The following NCOA7 variants were observed in gnomAD, a reference collection of about 807,000 sequenced individuals.
NCOA7 encodes 140 kDa estrogen receptor-associated protein.
Under a neutral mutation model 104.3 loss-of-function variants are expected in NCOA7, and 45 were observed. The observed-to-expected ratio is 0.43, with a 90% CI of 0.34 to 0.55. The LOEUF (loss-of-function observed/expected upper bound fraction) is 0.55, where lower values mean the gene tolerates loss of function less well. Ranked by LOEUF, NCOA7 falls within the 20% of genes least tolerant of loss-of-function variation. NCOA7 has a pLI of 0.02. For missense variants in NCOA7, 1,041 were observed against 1,119.7 expected (o/e 0.93, Z 1.00); for synonymous variants, 398 against 402.3 (o/e 0.99, Z 0.13).
intron 3 of NCOA7, among the ~76,000 whole-genome samples, chr6:125,866,104 C>T (rs1255956602): frequency 7.3e-6 from 1 of 136,772 alleles, no homozygotes; most frequent in Non-Finnish European, 1.6e-5. Context: ...CTGAGGCGGG[C>T]GGATCACCTG....
intron 11 of NCOA7, among the ~76,000 whole-genome samples, chr6:125,916,349 A>G (rs1787085177): frequency 6.6e-6 from 1 of 152,192 alleles, no homozygotes; most frequent in Admixed American, 6.5e-5. Flanking sequence ...AGTTTCAGGT[A>G]GCATCTTTAT....
intron 10 of NCOA7, among the ~76,000 whole-genome samples, 197 bp from the exon 11 acceptor site, chr6:125,915,136 C>A (rs1007357820): frequency 6.6e-6 from 1 of 152,146 alleles, no homozygotes; most frequent in Non-Finnish European, 1.5e-5. Context: ...TTTCGCAGTG[C>A]CTGTGGACTT....
chr6:125,870,108 T>C (rs1260114399), intron 3 of NCOA7, among the ~76,000 whole-genome samples: 2 of 152,228 alleles, frequency 1.3e-5, no homozygotes, highest in Non-Finnish European at 2.9e-5. Flanking sequence ...ACTTCTTATG[T>C]GGCCTGTTAC....
chr6:125,888,895 T>C, intron 8 of NCOA7, 44 bp from the exon 9 acceptor site: 4 of 1,433,486 alleles, frequency 2.8e-6, no homozygotes, highest in Non-Finnish European at 3.7e-6. Context: ...TTTTTGGTTT[T>C]ATTTTTAACA....
chr6:125,848,484 G>C (rs1254280568), intron 2 of NCOA7, among the ~76,000 whole-genome samples: 1 of 152,154 alleles, frequency 6.6e-6, no homozygotes, highest in Non-Finnish European at 1.5e-5. Flanking sequence ...AAAAGGATGA[G>C]TTCATATCCT....
chr6:125,820,610 A>T (rs1250784751), intron 2 of NCOA7, among the ~76,000 whole-genome samples: 2 of 152,202 alleles, frequency 1.3e-5, no homozygotes, highest in African/African-American at 4.8e-5. Flanking sequence ...GGCTATGAAG[A>T]TTGAGGGTAA....
chr6:125,811,848 C>T (rs745835553), intron 1 of NCOA7, among the ~76,000 whole-genome samples: 15 of 152,134 alleles, frequency 9.9e-5, no homozygotes, highest in Non-Finnish European at 1.8e-4. Flanking sequence ...GGTACATGTG[C>T]CTTAACTTGC....
chr6:125,916,194 C>T (rs886562852), intron 11 of NCOA7, among the ~76,000 whole-genome samples: 1 of 152,160 alleles, frequency 6.6e-6, no homozygotes, highest in Non-Finnish European at 1.5e-5. Flanking sequence ...TGGCAGTTTC[C>T]GCTACGCTCG....
chr6:125,874,967 CTG>C lies in NCOA7; in HGVS notation c.351+2_351+3del, dbSNP rs764886948. 1 of 1,608,440 alleles carries C rather than the reference CTG, an allele frequency of 6.2e-7. No homozygotes were observed. The highest frequency in any genetic ancestry group is 1.1e-5 in the South Asian group (1 of 90,924). ...AAGCCCCATGGGACTATGGAATACA[CTG>C]TGAGTATAACCAAGGTGGTATAAAT... On this transcript the variant is annotated splice_donor_variant and coding_sequence_variant, in exon 4 of 16. Coordinates refer to ENST00000392477, the MANE Select transcript of NCOA7 (RefSeq NM_181782.5). LOFTEE classifies it high-confidence loss of function.
chr6:125,922,600 A>T (rs557533029), intron 12 of NCOA7, 82 bp from the exon 13 acceptor site: 38 of 1,506,478 alleles, frequency 2.5e-5, no homozygotes, highest in Middle Eastern at 4.9e-4. Context: ...AGTTTGAATA[A>T]CAGGCATTTG....
chr6:125,880,544 T>C (rs892676185), intron 5 of NCOA7, among the ~76,000 whole-genome samples: 1 of 151,866 alleles, frequency 6.6e-6, no homozygotes, highest in Non-Finnish European at 1.5e-5. Context: ...ATTTTATTTT[T>C]TGAGGTGGAG....
In NCOA7 at chr6:125,815,298, A is replaced by C; in HGVS notation, c.-57A>C. On this transcript the variant is annotated 5_prime_UTR_variant, in exon 2 of 16. Transcript: ENST00000392477. ...TGTTATCTTTTCTTACAGGGTTACGACTCACTGATTAAAAAGAGGGACTTT... is the reference window on the plus strand; with the variant it reads ...TGTTATCTTTTCTTACAGGGTTACGCCTCACTGATTAAAAAGAGGGACTTT... 7 of 1,338,080 alleles carry C rather than the reference A, an allele frequency of 5.2e-6. No individual in the cohort carries two copies. Among genetic ancestry groups the C allele is most frequent in the Non-Finnish European group, 7.4e-6 (7 of 947,824 alleles). 82.9% of individuals were successfully genotyped at this position (1,338,080 alleles called of 1,614,324 possible). A position where few individuals can be genotyped will look rare whatever the true frequency, so the allele number is the denominator to read the frequency against.
chr6:125,901,230 T>C (rs1785471915), intron 10 of NCOA7, among the ~76,000 whole-genome samples: 3 of 152,240 alleles, frequency 2.0e-5, no homozygotes, highest in Non-Finnish European at 2.9e-5. Context: ...TTTAATGTAA[T>C]AGCTATTAAA....
chr6:125,787,436 C>G (rs1774524832), upstream of NCOA7, among the ~76,000 whole-genome samples: 1 of 152,174 alleles, frequency 6.6e-6, no homozygotes, highest in Admixed American at 6.5e-5. Flanking sequence ...AATCCTGTTG[C>G]CTGAACCCAG....
At chr6:125,900,892 G>C (rs570832980) in intron 10 of NCOA7, among the ~76,000 whole-genome samples, 1 of 152,138 alleles carries the variant, frequency 6.6e-6, no homozygotes, top group Non-Finnish European at 1.5e-5. Context: ...AGGCCCTACA[G>C]TGCAAGGAAA....
At chr6:125,852,522 G>T (rs1354016430) in intron 2 of NCOA7, among the ~76,000 whole-genome samples, 1 of 152,116 alleles carries the variant, frequency 6.6e-6, no homozygotes, top group African/African-American at 2.4e-5. Flanking sequence ...TTTTCTTCTA[G>T]AGTTTTTGTG....
At chr6:125,870,337 T>C (rs1562948648) in intron 3 of NCOA7, among the ~76,000 whole-genome samples, 1 of 152,206 alleles carries the variant, frequency 6.6e-6, no homozygotes. Context: ...AAAACCTCTC[T>C]GTGAATTCCA....
At chr6:125,911,727 G>A (rs1215524262) in intron 10 of NCOA7, among the ~76,000 whole-genome samples, 3 of 152,132 alleles carry the variant, frequency 2.0e-5, no homozygotes, top group Non-Finnish European at 4.4e-5. Flanking sequence ...GGTCCATTAA[G>A]CATCGTGACT....
rs576209164 is a variant in NCOA7, at chr6:125,863,174, A to G, written c.271+7934A>G. Among the ~76,000 whole-genome samples the G allele has an allele frequency of 1.4e-5, 2 of 138,710 alleles. 1 individual carries two copies. Among genetic ancestry groups the G allele is most frequent in the Admixed American group, 1.4e-4 (2 of 14,626 alleles). The allele number at this position is 138,710 out of a possible 152,430, so 91.0% of individuals were successfully genotyped here. On this transcript the variant is annotated intron_variant, in intron 3 of 15. Coordinates refer to ENST00000392477, the MANE Select transcript of NCOA7 (RefSeq NM_181782.5). ...TAGGGAGCATGAATGTTCACAGTTA[A>G]GTAGCTGTAAAACAAACACCCCTGA...
Sources: allele counts gnomAD v4.1 joint callset (sites outside exome capture counted in the v4.1 genomes callset), GRCh38; gene constraint gnomAD v4.1.1; transcripts MANE v1.5; gene names NCBI Gene and HGNC (gene_info 2026-07-23, HGNC 2026-07-21).